ARHGEF11: variants seen among roughly 807,000 people sequenced by gnomAD.
The protein encoded by ARHGEF11 is Rho guanine exchange factor (GEF) 11.
Under a neutral mutation model 193.7 loss-of-function variants are expected in ARHGEF11, and 55 were observed. The ratio of observed to expected loss-of-function variants is 0.28; its 90% confidence interval spans 0.23 to 0.36. ARHGEF11 has a LOEUF of 0.36. ARHGEF11 is among the 10% of genes least tolerant of loss of function. The probability of loss-of-function intolerance (pLI) is 1.00; values close to 1 mark genes in which losing one functional copy is unlikely to be tolerated. For missense variants in ARHGEF11, 1,723 were observed against 2,005.6 expected (o/e 0.86, Z 2.69); for synonymous variants, 693 against 768.0 (o/e 0.90, Z 1.62).
chr1:156,951,786 A>T, intron 21 of ARHGEF11, 87 bp from the exon 22 acceptor site: 1 of 1,558,564 alleles, frequency 6.4e-7, no homozygotes, highest in South Asian at 1.2e-5. Context: ...CCCAGAAGAC[A>T]GAGCAATGAG....
rs560381442 is a variant in ARHGEF11 at position 156,936,884 on chromosome 1, G to A, written c.4562C>T (p.Pro1521Leu). 6.2e-7 allele frequency: 1 copy of A among 1,614,160 alleles called. No homozygotes were observed. The highest frequency in any genetic ancestry group is 1.7e-5 in the Admixed American group (1 of 60,032). The change falls in exon 40 of 41, where the codon CCT (proline) becomes CTT (leucine). Residue 1521 changes from proline (P) to leucine (L), a missense_variant. Physicochemically the swap from Pro to Leu is moderately conservative, Grantham distance 98 (BLOSUM62 -3). This residue lies in a region of ARHGEF11 where 360 missense variants were observed against 344.4 expected (regional missense o/e 1.05). Transcript: ENST00000368194. ...AARWTDGSLSPPAKEPLASDS... is the reference protein window; with the variant it reads ...AARWTDGSLSLPAKEPLASDS... ...AGAAGCTAGGGGCTCCTTAGCGGGA[G>A]GTGAGAGGGAGCCATCTGTCCATCT...
At chr1:156,978,795 T>C (rs1202814423) in intron 5 of ARHGEF11, among the ~76,000 whole-genome samples, 2 of 152,228 alleles carry the variant, frequency 1.3e-5, no homozygotes, top group Non-Finnish European at 2.9e-5. Flanking sequence ...TCTTCAACAT[T>C]TGTTGTTTCT....
Position 156,971,779 on chromosome 1 carries a change from A to G in ARHGEF11, c.620T>C (p.Leu207Pro), listed in dbSNP as rs1205597544. The G allele has an allele frequency of 6.2e-7, 1 of 1,613,868 alleles. No individual in the cohort carries two copies. Among genetic ancestry groups the G allele is most frequent in the South Asian group, 1.1e-5 (1 of 91,078 alleles). The change falls in exon 8 of 41, where the codon CTA becomes CCA. Residue 207 changes from leucine to proline, a missense_variant. By Grantham distance (98) the Leu-to-Pro change is moderately conservative. This residue lies in a region of ARHGEF11 where 646 missense variants were observed against 710.7 expected (regional missense o/e 0.91). Coordinates refer to ENST00000368194, the MANE Select transcript of ARHGEF11 (RefSeq NM_198236.3). ...CEVYSRNPAS[L>P]LEEQIEGARR... ...GGCACCTTCGATCTGCTCTTCCAGT[A>G]GGCTGGCGGGGTTCCGGCTATAGAC...
rs140569739 is a variant in ARHGEF11, at chr1:156,944,109, G to A, written c.3068-7C>T. On this transcript the variant is annotated splice_region_variant and splice_polypyrimidine_tract_variant and intron_variant, in intron 31 of 40. Coordinates refer to ENST00000368194, the MANE Select transcript of ARHGEF11 (RefSeq NM_198236.3). ...AGCAGCAGCACGTGGAGGTCTGGAGGGGTATGGTCATGGGAAGGTGTTCCC... is the reference window on the plus strand; with the variant it reads ...AGCAGCAGCACGTGGAGGTCTGGAGAGGTATGGTCATGGGAAGGTGTTCCC... The A allele has an allele frequency of 1.9e-6, 3 of 1,612,634 alleles. No individual in the cohort carries two copies. The Admixed American group carries it at 5.0e-5, about 27-fold the overall frequency.
Position 156,948,531 on chromosome 1 carries a change from G to A in ARHGEF11, c.1926-33C>T, listed in dbSNP as rs1172229937. 1.2e-6 allele frequency: 2 copies of A among 1,614,116 alleles called. No individual in the cohort carries two copies. Among genetic ancestry groups the A allele is most frequent in the Non-Finnish European group, 1.7e-6 (2 of 1,180,014 alleles). ...GAAGGGACAAAAGACTTTGGGACTT[G>A]GGAAGTCAGTGGGCCATGCTTACAT... is the stretch of plus-strand genomic sequence containing the variant. On this transcript the variant is annotated intron_variant, in intron 22 of 40. Transcript: ENST00000368194. This position sits in a 1 kb window ranked among gnomAD's most constrained non-coding sequence, Gnocchi z 4.2.
At chr1:157,018,577 G>A (rs920418977) in intron 1 of ARHGEF11, among the ~76,000 whole-genome samples, 4 of 151,796 alleles carry the variant, frequency 2.6e-5, no homozygotes, top group South Asian at 2.1e-4. Flanking sequence ...CCTGGGAGGC[G>A]GAGGTTGCAG....
Position 156,940,372 on chromosome 1 carries a change from G to T in ARHGEF11, c.3568C>A (p.Pro1190Thr). 6.2e-7 allele frequency: 1 copy of T among 1,613,446 alleles called. No individual in the cohort carries two copies. The highest frequency in any genetic ancestry group is 1.1e-5 in the South Asian group (1 of 90,918). Residue 1190 changes from proline (P) to threonine (T), a missense_variant, in exon 36 of 41, where the codon CCT (proline) becomes ACT (threonine). By Grantham distance (38) the Pro-to-Thr change is conservative. Transcript: ENST00000368194. Reference sequence around the variant, plus strand: ...TCCTCTGCACTGCCCTCCTGCTCAGGGTCCTCTAGCAGGACCTGGTGCTTC... The same window carrying T: ...TCCTCTGCACTGCCCTCCTGCTCAGTGTCCTCTAGCAGGACCTGGTGCTTC... ...QGKHQVLLED[P>T]EQEGSAEEEE...
chr1:156,951,366 A>G (rs946092028), intron 22 of ARHGEF11, among the ~76,000 whole-genome samples: 6 of 151,806 alleles, frequency 4.0e-5, no homozygotes, highest in African/African-American at 1.5e-4. Context: ...TTGGGCTGGA[A>G]GTCGGGGATC....
intron 4 of ARHGEF11, among the ~76,000 whole-genome samples, chr1:156,979,528 C>G (rs11580516): frequency 6.6e-6 from 1 of 152,050 alleles, no homozygotes; most frequent in African/African-American, 2.4e-5. Context: ...CCACGCCCAG[C>G]TAATTTTTTG....
intron 1 of ARHGEF11, among the ~76,000 whole-genome samples, chr1:157,031,659 C>G (rs1383856456): frequency 6.6e-6 from 1 of 152,152 alleles, no homozygotes; most frequent in African/African-American, 2.4e-5. Flanking sequence ...GGTCAGGGGG[C>G]TCTCAGAAAC....
At chr1:157,046,396 C>T (rs1052491064), upstream of ARHGEF11, among the ~76,000 whole-genome samples, 3 of 152,214 alleles carry the variant, frequency 2.0e-5, no homozygotes, top group African/African-American at 7.2e-5. Context: ...GCAGGTTTAC[C>T]TCTTTGCGTC....
At chr1:156,980,833 CGG>C (rs60219718) in intron 3 of ARHGEF11, among the ~76,000 whole-genome samples, 12,243 of 33,542 alleles carry the variant, frequency 0.37, 1,659 homozygotes, top group East Asian at 0.62. Context: ...AGTTATATTC[CGG>C]GGGGGGGGGG....
intron 22 of ARHGEF11, among the ~76,000 whole-genome samples, chr1:156,951,066 C>G (rs1659021328): frequency 6.6e-6 from 1 of 152,248 alleles, no homozygotes; most frequent in African/African-American, 2.4e-5. Context: ...CTTTGCCTCT[C>G]TTTGCTGAGG....
At chr1:156,966,129 A>G (rs982613304) in intron 11 of ARHGEF11, among the ~76,000 whole-genome samples, 1 of 152,172 alleles carries the variant, frequency 6.6e-6, no homozygotes, top group African/African-American at 2.4e-5. Flanking sequence ...AAATCACAAC[A>G]CCACCAAAGA....
intron 18 of ARHGEF11, 87 bp from the exon 19 acceptor site, chr1:156,956,651 T>TG: frequency 6.4e-7 from 1 of 1,561,914 alleles, no homozygotes; most frequent in Non-Finnish European, 8.7e-7. Flanking sequence ...CGCAGTGGAG[T>TG]GGGGAAGGGG....
chr1:157,004,007 C>T (rs981356747), intron 1 of ARHGEF11, among the ~76,000 whole-genome samples: 1 of 152,146 alleles, frequency 6.6e-6, no homozygotes, highest in Non-Finnish European at 1.5e-5. Context: ...ATTCATCTAG[C>T]GTTTCTCTAC....
intron 1 of ARHGEF11, among the ~76,000 whole-genome samples, chr1:157,026,327 T>C (rs1230470873): frequency 6.6e-6 from 1 of 152,144 alleles, no homozygotes; most frequent in African/African-American, 2.4e-5. Flanking sequence ...TCTCAGACCA[T>C]CCTCCTAGAA....
At chr1:156,995,666 A>G (rs1571412186) in intron 1 of ARHGEF11, among the ~76,000 whole-genome samples, 2 of 148,688 alleles carry the variant, frequency 1.3e-5, no homozygotes, top group South Asian at 4.3e-4. Context: ...AGCTCAAGCA[A>G]TCCTCCCACC....
chr1:156,943,875 C>T, intron 32 of ARHGEF11, 60 bp downstream of exon 32: 1 of 1,559,450 alleles, frequency 6.4e-7, no homozygotes, highest in Non-Finnish European at 8.7e-7. Flanking sequence ...CTGCCTCACC[C>T]AGCACTTGCT....
Sources: allele counts gnomAD v4.1 joint callset (sites outside exome capture counted in the v4.1 genomes callset), GRCh38; gene constraint gnomAD v4.1.1; regional missense constraint gnomAD v4.1.1; non-coding constraint Gnocchi (gnomAD v3.1); transcripts MANE v1.5; gene names NCBI Gene and HGNC (gene_info 2026-07-23, HGNC 2026-07-21).